MYO3B: variants seen among roughly 807,000 people sequenced by gnomAD.
The protein encoded by MYO3B is myosin IIIB.
MYO3B carries 156 observed loss-of-function variants against 174.6 expected under a neutral mutation model. That is an observed-to-expected ratio of 0.89 (90% CI 0.78 to 1.02). The LOEUF (loss-of-function observed/expected upper bound fraction) is 1.02, where lower values mean the gene tolerates loss of function less well. Among genes scored for constraint, MYO3B ranks in the 50% least tolerant of loss-of-function variants. The pLI is 0.00. For synonymous variants in MYO3B, 563 were observed against 569.1 expected, an observed-to-expected ratio of 0.99 and a Z score of 0.15; for missense variants, 1,632 against 1,639.4, an observed-to-expected ratio of 1.00 and a Z score of 0.08.
chr2:170,226,765 G>A (rs1042065088), intron 6 of MYO3B, among the ~76,000 whole-genome samples: 12 of 152,160 alleles, frequency 7.9e-5, no homozygotes, highest in African/African-American at 2.9e-4. Context: ...TCCCCTCCGA[G>A]TGCTGAGTGA....
At chr2:170,373,414 A>G (rs12104807) in intron 9 of MYO3B, among the ~76,000 whole-genome samples, 117 of 151,992 alleles carry the variant, frequency 7.7e-4, no homozygotes, top group African/African-American at 2.7e-3. Flanking sequence ...AGCTGTAGCA[A>G]CTCTTTTTGG....
intron 15 of MYO3B, 62 bp from the exon 16 acceptor site, chr2:170,392,319 A>G: frequency 8.4e-7 from 1 of 1,184,324 alleles, no homozygotes; most frequent in African/African-American, 1.5e-5. Context: ...AAAAAATGGA[A>G]ATGCCTGTAC....
intron 25 of MYO3B, among the ~76,000 whole-genome samples, chr2:170,473,875 A>G (rs1385735052): frequency 1.3e-5 from 2 of 152,154 alleles, no homozygotes; most frequent in Non-Finnish European, 2.9e-5. Flanking sequence ...AAAAGAAACC[A>G]CTTGGAGCTT....
Position 170,407,757 on chromosome 2 carries a change from A to G in MYO3B, c.2563A>G (p.Thr855Ala), listed in dbSNP as rs778482237. 7 of 1,613,466 alleles carry G rather than the reference A, an allele frequency of 4.3e-6. No homozygotes were observed. Among genetic ancestry groups the G allele is most frequent in the Non-Finnish European group, 5.1e-6 (6 of 1,179,852 alleles). ...TGGGGTTCTTGAGAAAAATAGAGAC[A>G]CTCTCCCTGCCGATGTGGTTGTGGT... ...ASGVLEKNRD[T>A]LPADVVVVLR... Residue 855 changes from threonine to alanine, a missense_variant, in exon 22 of 35, where the codon ACT (threonine) becomes GCT (alanine). Thr to Ala is a moderately conservative substitution (Grantham distance 58). Transcript: ENST00000408978.
chr2:170,520,138 A>G (rs7595366), intron 30 of MYO3B, among the ~76,000 whole-genome samples: 120,779 of 152,086 alleles, frequency 0.79, 48,837 homozygotes, highest in African/African-American at 0.94. Context: ...GCAATGTCTG[A>G]AGACATTTTT....
At chr2:170,444,841 T>C (rs1311232736) in intron 23 of MYO3B, among the ~76,000 whole-genome samples, 1 of 152,206 alleles carries the variant, frequency 6.6e-6, no homozygotes, top group African/African-American at 2.4e-5. Flanking sequence ...ATTTCAACCT[T>C]GCTACTTCAC....
In MYO3B at chr2:170,440,583, G is replaced by C. The variant is rs537623719; in HGVS notation, c.2651-3384G>C. Among the ~76,000 whole-genome samples the C allele has an allele frequency of 3.3e-5, 5 of 151,746 alleles. No homozygotes were observed. In the South Asian group the frequency reaches 1.0e-3, roughly 32 times the overall value. ...TTCTTTTTTGAATAGTTCATTTTTA[G>C]TGTATAAAAATGCAACTGAATTAGC... On this transcript the variant is annotated intron_variant, in intron 22 of 34. Transcript: ENST00000408978.
chr2:170,526,621 AAAT>A (rs1432292887), intron 30 of MYO3B, among the ~76,000 whole-genome samples: 1 of 152,224 alleles, frequency 6.6e-6, no homozygotes, highest in African/African-American at 2.4e-5. Context: ...TCATACCCTC[AAAT>A]AATAACATTC....
At chr2:170,321,020 C>T (rs1184779236) in intron 7 of MYO3B, among the ~76,000 whole-genome samples, 2 of 152,120 alleles carry the variant, frequency 1.3e-5, no homozygotes, top group Non-Finnish European at 2.9e-5. Context: ...TCCAGCATTT[C>T]AAGGCTGTAG....
intron 23 of MYO3B, among the ~76,000 whole-genome samples, chr2:170,450,213 ACAT>A (rs1423338763): frequency 6.6e-6 from 1 of 152,248 alleles, no homozygotes; most frequent in Non-Finnish European, 1.5e-5. Flanking sequence ...AGAAAGCCAA[ACAT>A]CATTTCATAT....
At chr2:170,485,420 C>CACAGAG (rs777460347) in intron 25 of MYO3B, among the ~76,000 whole-genome samples, 1,885 of 127,822 alleles carry the variant, frequency 0.015, 18 homozygotes, top group Admixed American at 0.046. Flanking sequence ...CACACACACA[C>CACAGAG]AGAGAGAGAG....
intron 32 of MYO3B, among the ~76,000 whole-genome samples, chr2:170,651,373 T>C (rs1179516217): frequency 6.7e-6 from 1 of 148,642 alleles, no homozygotes; most frequent in African/African-American, 2.6e-5. Flanking sequence ...AACAACAACT[T>C]GCTTTCTGTC....
At chr2:170,294,612 C>T (rs1488953992) in intron 7 of MYO3B, among the ~76,000 whole-genome samples, 1 of 152,016 alleles carries the variant, frequency 6.6e-6, no homozygotes, top group Non-Finnish European at 1.5e-5. Context: ...AATGTGTACC[C>T]TTTAATTGTG....
chr2:170,346,654 A>G (rs1450479113), intron 8 of MYO3B, among the ~76,000 whole-genome samples: 1 of 152,208 alleles, frequency 6.6e-6, no homozygotes, highest in Admixed American at 6.5e-5. Context: ...ACTGCACAGT[A>G]GTAAAAGTGG....
At chr2:170,311,530 T>C (rs549279759) in intron 7 of MYO3B, among the ~76,000 whole-genome samples, 1 of 151,892 alleles carries the variant, frequency 6.6e-6, no homozygotes, top group South Asian at 2.1e-4. Context: ...GATATATGAT[T>C]TACAAATATT....
chr2:170,238,597 C>T (rs910427802), intron 7 of MYO3B, among the ~76,000 whole-genome samples: 2 of 151,768 alleles, frequency 1.3e-5, no homozygotes, highest in Admixed American at 6.6e-5. Context: ...GACCTTTTCC[C>T]GGCAACCCTT....
intron 7 of MYO3B, among the ~76,000 whole-genome samples, chr2:170,288,360 G>A (rs1283239511): frequency 1.3e-5 from 2 of 151,872 alleles, no homozygotes; most frequent in African/African-American, 4.8e-5. Context: ...CCATGAGCAG[G>A]GAGTATCTTT....
At chr2:170,234,829 A>G (rs538204206) in intron 6 of MYO3B, among the ~76,000 whole-genome samples, 2 of 152,254 alleles carry the variant, frequency 1.3e-5, no homozygotes, top group South Asian at 2.1e-4. Flanking sequence ...TGTACATTCA[A>G]AATTATACCT....
intron 7 of MYO3B, among the ~76,000 whole-genome samples, chr2:170,270,298 C>A (rs1270929587): frequency 2.0e-5 from 3 of 152,206 alleles, no homozygotes; most frequent in Non-Finnish European, 4.4e-5. Context: ...ACCCTCAGAA[C>A]TAGTAAGTGT....
Sources: allele counts gnomAD v4.1 joint callset (sites outside exome capture counted in the v4.1 genomes callset), GRCh38; gene constraint gnomAD v4.1.1; transcripts MANE v1.5; gene names NCBI Gene and HGNC (gene_info 2026-07-23, HGNC 2026-07-21).